Variants in ZNF865 observed in about 807,000 individuals in gnomAD.
ZNF865 encodes zinc finger protein 865.
For missense variants in ZNF865, 1,311 were observed against 1,593.4 expected (o/e 0.82, Z 3.02); for synonymous variants, 763 against 750.8 (o/e 1.02, Z -0.27).
chr19:55,612,045 G>A (rs1981156758), intron 1 of ZNF865, among the ~76,000 whole-genome samples: 1 of 152,280 alleles, frequency 6.6e-6, no homozygotes, highest in Admixed American at 6.5e-5. Flanking sequence ...CCCACTAAGG[G>A]CAAGGATGGA....
Position 55,614,933 on chromosome 19 carries a change from CCCGTG to C in ZNF865, c.1316_1320del (p.Pro439LeufsTer129). ...GGGGGCGGGCGCCGGGGGGCCTCGG[CCCGTG>C]TACCCCTGCGACCTGTGCGGCAAGT... On this transcript the variant is annotated frameshift_variant, in exon 2 of 2. Coordinates refer to ENST00000568956, the MANE Select transcript of ZNF865 (RefSeq NM_001195605.2). LOFTEE classifies it low-confidence loss of function (END_TRUNC). The surrounding 1 kb of genome is among the most constrained non-coding windows in gnomAD (Gnocchi z 8.0). 6.7e-7 allele frequency: 1 copy of C among 1,484,282 alleles called. No individual in the cohort carries two copies. The highest frequency in any genetic ancestry group is 8.9e-7 in the Non-Finnish European group (1 of 1,123,574). The allele number at this position is 1,484,282 out of a possible 1,614,324, so 91.9% of individuals were successfully genotyped here.
In ZNF865 at chr19:55,616,587, G is replaced by T. The variant is rs1045671547; in HGVS notation, c.2969G>T (p.Arg990Leu). The T allele has an allele frequency of 2.4e-5, 37 of 1,528,080 alleles. No individual in the cohort carries two copies. The highest frequency in any genetic ancestry group is 2.6e-5 in the Non-Finnish European group (30 of 1,143,202). The allele number at this position is 1,528,080 out of a possible 1,614,324, so 94.7% of individuals were successfully genotyped here. ...CATGAGCCGCCGCGGCCCGAGCTCC[G>T]CTGCCCCGCCTGCCTCAAGGCCTTC... The part of the protein sequence containing the change: ...RAHEPPRPEL[R>L]CPACLKAFKD... The change falls in exon 2 of 2, where the codon CGC becomes CTC. Residue 990 changes from arginine to leucine, a missense_variant. By Grantham distance (102) the Arg-to-Leu change is moderately radical. Coordinates refer to ENST00000568956, the MANE Select transcript of ZNF865 (RefSeq NM_001195605.2).
In ZNF865 at chr19:55,611,754, G is replaced by A. The variant is rs118172962; in HGVS notation, c.-26-1839G>A. ...CTGGGCTTAGAGCCTGGCCCCCATC[G>A]GGTAGGGATGATGGACAGGAAGCGG... On this transcript the variant is annotated intron_variant, in intron 1 of 1. Coordinates refer to ENST00000568956, the MANE Select transcript of ZNF865 (RefSeq NM_001195605.2). This position sits in a 1 kb window ranked among gnomAD's most constrained non-coding sequence, Gnocchi z 4.5. Among the ~76,000 whole-genome samples the A allele has an allele frequency of 6.6e-6, 1 of 152,148 alleles. No individual in the cohort carries two copies. Among genetic ancestry groups the A allele is most frequent in the African/African-American group, 2.4e-5 (1 of 41,416 alleles).
intron 1 of ZNF865, among the ~76,000 whole-genome samples, chr19:55,608,771 A>G (rs1379867608): frequency 6.6e-6 from 1 of 152,170 alleles, no homozygotes; most frequent in African/African-American, 2.4e-5. Flanking sequence ...ACCTAAGTAC[A>G]ATGCTTGTTA....
chr19:55,608,522 C>T (rs939652181), intron 1 of ZNF865, among the ~76,000 whole-genome samples: 2 of 152,042 alleles, frequency 1.3e-5, no homozygotes, highest in Non-Finnish European at 2.9e-5. Context: ...CCATGTTGGT[C>T]AGGCTGGTCT....
rs1477966071 is a variant in ZNF865, at chr19:55,615,065, C to T, written c.1447C>T (p.Pro483Ser). 2.5e-6 allele frequency: 3 copies of T among 1,216,574 alleles called. No homozygotes were observed. The African/African-American group carries it at 5.0e-5, about 20-fold the overall frequency. The allele number at this position is 1,216,574 out of a possible 1,614,324, so 75.4% of individuals were successfully genotyped here. ...GGACGGGGCGGCCTCGGCCCCGCAGCCCCCGCCCACCTTCCCCCCGGGCCC... is the reference window on the plus strand; with the variant it reads ...GGACGGGGCGGCCTCGGCCCCGCAGTCCCCGCCCACCTTCCCCCCGGGCCC... Reference protein sequence around the residue: ...PKDGAASAPQPPPTFPPGPYL... With the variant: ...PKDGAASAPQSPPTFPPGPYL... Residue 483 changes from proline to serine, a missense_variant, in exon 2 of 2, where the codon CCC becomes TCC. Coordinates refer to ENST00000568956, the MANE Select transcript of ZNF865 (RefSeq NM_001195605.2).
chr19:55,613,868 ACCTTCAAGCCCAAGGCGGAGGTGC>A lies in ZNF865; in HGVS notation c.254_277del (p.Phe85_Pro92del). The A allele has an allele frequency of 9.1e-7, 1 of 1,098,688 alleles. No individual in the cohort carries two copies. Among genetic ancestry groups the A allele is most frequent in the Non-Finnish European group, 1.1e-6 (1 of 885,586 alleles). 68.1% of individuals were successfully genotyped at this position (1,098,688 alleles called of 1,614,324 possible). ...GCAGTATGACTACCCGCCCCAGTCC[ACCTTCAAGCCCAAGGCGGAGGTGC>A]CCTCCTCGTCCTCGTCCTCGTCCTC... On this transcript the variant is annotated inframe_deletion, in exon 2 of 2. Transcript: ENST00000568956.
At chr19:55,610,035 T>G (rs1981074451) in intron 1 of ZNF865, among the ~76,000 whole-genome samples, 2 of 152,174 alleles carry the variant, frequency 1.3e-5, no homozygotes, top group Non-Finnish European at 2.9e-5. Flanking sequence ...GAATTGCTTC[T>G]CCCAGGAATT....
chr19:55,606,470 G>A (rs1233495361), intron 1 of ZNF865, among the ~76,000 whole-genome samples: 1 of 152,004 alleles, frequency 6.6e-6, no homozygotes, highest in Non-Finnish European at 1.5e-5. Flanking sequence ...ACATACTCCC[G>A]TACCTCCTCT....
At chr19:55,612,392 T>G (rs1027456002) in intron 1 of ZNF865, 2 of 152,188 alleles carry the variant, frequency 1.3e-5, no homozygotes, top group African/African-American at 4.8e-5. Context: ...TCTATTAATA[T>G]TAAAAGAGTG....
At position 55,615,986 on chromosome 19, in the gene ZNF865, G is replaced by A; in HGVS notation, c.2368G>A (p.Glu790Lys). The A allele has an allele frequency of 6.6e-7, 1 of 1,520,384 alleles. No individual in the cohort carries two copies. Among genetic ancestry groups the A allele is most frequent in the Non-Finnish European group, 8.8e-7 (1 of 1,139,938 alleles). 94.2% of individuals were successfully genotyped at this position (1,520,384 alleles called of 1,614,324 possible). A position where few individuals can be genotyped will look rare whatever the true frequency, so the allele number is the denominator to read the frequency against. Residue 790 changes from glutamate to lysine, a missense_variant, in exon 2 of 2, where the codon GAG (glutamate) becomes AAG (lysine). Coordinates refer to ENST00000568956, the MANE Select transcript of ZNF865 (RefSeq NM_001195605.2). ...TGGCGGGGGTGCCAGTTCCGGCCCC[G>A]AGCGCTTCAGCTGTGCCACGTGCGG... The part of the protein sequence containing the change: ...GAGGGASSGP[E>K]RFSCATCGQS...
At position 55,611,210 on chromosome 19, in the gene ZNF865, T is replaced by C. The variant is rs989753602; in HGVS notation, c.-26-2383T>C. 2.0e-5 allele frequency among the ~76,000 whole-genome samples: 3 copies of C among 152,006 alleles called. No individual in the cohort carries two copies. Among genetic ancestry groups the C allele is most frequent in the Non-Finnish European group, 4.4e-5 (3 of 67,994 alleles). On this transcript the variant is annotated intron_variant, in intron 1 of 1. Transcript: ENST00000568956. This position sits in a 1 kb window ranked among gnomAD's most constrained non-coding sequence, Gnocchi z 4.5. ...CCTATTTAGAGTTGTGGGGAGTCAG[T>C]GAATTAATATGTGTAACGTGCTTAG...
chr19:55,615,172 G>A lies in ZNF865; in HGVS notation c.1554G>A (p.Val518=), dbSNP rs1426520084. ...CGGCGGCGGTGGTGTACGGCGCTGT[G>A]CCCGTCCCGCTCCTGGGCGCCCACC... ...AAAAAVVYGA[V]PVPLLGAHPL... Residue 518 remains valine (V), a synonymous_variant, in exon 2 of 2, where the codon GTG becomes GTA. Transcript: ENST00000568956. 4.4e-6 allele frequency: 6 copies of A among 1,376,832 alleles called. No homozygotes were observed. Among genetic ancestry groups the A allele is most frequent in the Admixed American group, 3.7e-5 (1 of 27,310 alleles). The allele number at this position is 1,376,832 out of a possible 1,614,324, so 85.3% of individuals were successfully genotyped here. A position where few individuals can be genotyped will look rare whatever the true frequency, so the allele number is the denominator to read the frequency against.
Position 55,613,739 on chromosome 19 carries a change from C to T in ZNF865, c.121C>T (p.Arg41Cys). 6.5e-7 allele frequency: 1 copy of T among 1,534,652 alleles called. No individual in the cohort carries two copies. The highest frequency in any genetic ancestry group is 8.7e-7 in the Non-Finnish European group (1 of 1,146,204). Residue 41 changes from arginine (R) to cysteine (C), a missense_variant, in exon 2 of 2, where the codon CGC becomes TGC. Physicochemically the swap from Arg to Cys is radical, Grantham distance 180 (BLOSUM62 -3). Coordinates refer to ENST00000568956, the MANE Select transcript of ZNF865 (RefSeq NM_001195605.2). ...FDFLEFLNHQ[R>C]FEPMELYGEH... ...CTTCCTGGAATTCCTCAACCACCAG[C>T]GCTTCGAGCCCATGGAACTGTATGG...
rs1385347086 is a variant in ZNF865 at position 55,614,423 on chromosome 19, C to A, written c.805C>A (p.Arg269Ser). The A allele has an allele frequency of 4.8e-6, 7 of 1,458,322 alleles. No homozygotes were observed. Among genetic ancestry groups the A allele is most frequent in the Non-Finnish European group, 5.4e-6 (6 of 1,107,562 alleles). The allele number at this position is 1,458,322 out of a possible 1,614,324, so 90.3% of individuals were successfully genotyped here. The part of the protein sequence containing the change: ...RTYNHVSSLI[R>S]HRRCHKDVPP... ...CTACAACCACGTGTCCAGCCTCATC[C>A]GCCACCGCCGCTGCCACAAGGACGT... is the stretch of plus-strand genomic sequence containing the variant. The change falls in exon 2 of 2, where the codon CGC (arginine) becomes AGC (serine). Residue 269 changes from arginine to serine, a missense_variant. Arg to Ser is a moderately radical substitution (Grantham distance 110, BLOSUM62 -1). Transcript: ENST00000568956. This position sits in a 1 kb window ranked among gnomAD's most constrained non-coding sequence, Gnocchi z 8.0.
At position 55,615,698 on chromosome 19, in the gene ZNF865, G is replaced by A. The variant is rs778086453; in HGVS notation, c.2080G>A (p.Glu694Lys). Residue 694 changes from glutamate to lysine, a missense_variant, in exon 2 of 2, where the codon GAG becomes AAG. Transcript: ENST00000568956. Reference protein sequence around the residue: ...VMSHKEVHMAEKPYGCDACGK... With the variant: ...VMSHKEVHMAKKPYGCDACGK... Reference sequence around the variant, plus strand: ...GAGTCACAAGGAGGTCCACATGGCAGAGAAGCCATACGGCTGCGACGCCTG... The same window carrying A: ...GAGTCACAAGGAGGTCCACATGGCAAAGAAGCCATACGGCTGCGACGCCTG... 6.5e-7 allele frequency: 1 copy of A among 1,534,498 alleles called. No homozygotes were observed.
At chr19:55,608,164 G>A (rs918148764) in intron 1 of ZNF865, among the ~76,000 whole-genome samples, 6 of 152,274 alleles carry the variant, frequency 3.9e-5, no homozygotes, top group Admixed American at 3.3e-4. Flanking sequence ...AGATGGGGAG[G>A]AGGTGAAGGG....
chr19:55,615,851 G>A lies in ZNF865; in HGVS notation c.2233G>A (p.Ala745Thr). 6.7e-7 allele frequency: 1 copy of A among 1,495,612 alleles called. No homozygotes were observed. The highest frequency in any genetic ancestry group is 8.8e-7 in the Non-Finnish European group (1 of 1,130,084). The allele number at this position is 1,495,612 out of a possible 1,614,324, so 92.6% of individuals were successfully genotyped here. A position where few individuals can be genotyped will look rare whatever the true frequency, so the allele number is the denominator to read the frequency against. The change falls in exon 2 of 2, where the codon GCG becomes ACG. Residue 745 changes from alanine to threonine, a missense_variant. Physicochemically the swap from Ala to Thr is moderately conservative, Grantham distance 58 (BLOSUM62 0). Coordinates refer to ENST00000568956, the MANE Select transcript of ZNF865 (RefSeq NM_001195605.2). ...QPPDGSSGTD[A>T]ASVLDNGLAG... Reference sequence around the variant, plus strand: ...CCCGGACGGCTCCAGCGGCACGGATGCGGCCAGCGTGCTGGACAACGGGCT... The same window carrying A: ...CCCGGACGGCTCCAGCGGCACGGATACGGCCAGCGTGCTGGACAACGGGCT...
At position 55,614,664 on chromosome 19, in the gene ZNF865, C is replaced by A; in HGVS notation, c.1046C>A (p.Pro349Gln). 1 of 1,543,990 alleles carries A rather than the reference C, an allele frequency of 6.5e-7. No homozygotes were observed. Among genetic ancestry groups the A allele is most frequent in the Non-Finnish European group, 8.7e-7 (1 of 1,153,090 alleles). ...PPPATGGGDG[P>Q]FACPLCWKVF... ...CCTGCCACCGGGGGTGGCGATGGCCCGTTCGCCTGCCCACTCTGCTGGAAG... is the reference window on the plus strand; with the variant it reads ...CCTGCCACCGGGGGTGGCGATGGCCAGTTCGCCTGCCCACTCTGCTGGAAG... Residue 349 changes from proline to glutamine, a missense_variant, in exon 2 of 2, where the codon CCG becomes CAG. Transcript: ENST00000568956. This position sits in a 1 kb window ranked among gnomAD's most constrained non-coding sequence, Gnocchi z 8.0.
Sources: allele counts gnomAD v4.1 joint callset (sites outside exome capture counted in the v4.1 genomes callset), GRCh38; gene constraint gnomAD v4.1.1; non-coding constraint Gnocchi (gnomAD v3.1); transcripts MANE v1.5; gene names NCBI Gene and HGNC (gene_info 2026-07-23, HGNC 2026-07-21).